GNL3: variants seen among roughly 807,000 people sequenced by gnomAD.
GNL3 encodes the protein guanine nucleotide-binding protein-like 3.
In GNL3, 77 loss-of-function variants were observed where a neutral mutation model predicts 70.6. The observed-to-expected ratio is 1.09, with a 90% CI of 0.91 to 1.32. The LOEUF (loss-of-function observed/expected upper bound fraction) is 1.32, where lower values mean the gene tolerates loss of function less well. Ranked by LOEUF, GNL3 falls within the 40% of genes most tolerant of loss-of-function variation. The pLI, the probability that GNL3 is intolerant of heterozygous loss-of-function variation, is 0.00. For missense variants in GNL3, 634 were observed against 644.0 expected, an observed-to-expected ratio of 0.98 and a Z score of 0.17; for synonymous variants, 252 against 216.1, an observed-to-expected ratio of 1.17 and a Z score of -1.46.
intron 8 of GNL3, 61 bp from the exon 9 acceptor site, chr3:52,691,481 A>C: frequency 9.9e-7 from 1 of 1,006,524 alleles, no homozygotes; most frequent in Non-Finnish European, 1.6e-6. Flanking sequence ...TTAGGCAGTG[A>C]AAATTTCATA....
rs2097325146 is a variant in GNL3 at position 52,689,392 on chromosome 3, T to C, written c.541+186T>C. On this transcript the variant is annotated intron_variant, in intron 6 of 14. Transcript: ENST00000418458. ...ACTTTTACAACTGACTCAACTGGTT[T>C]CTACTATTCTTTTGCCATTCAGTAT... The C allele has an allele frequency of 5.6e-6, 4 of 713,432 alleles. No individual in the cohort carries two copies. In the East Asian group the frequency reaches 7.9e-5, roughly 14 times the overall value. The allele number at this position is 713,432 out of a possible 1,614,324, so 44.2% of individuals were successfully genotyped here.
chr3:52,693,508 GAAGAACTGGAA>G lies in GNL3; in HGVS notation c.1295_1305del (p.Leu432GlnfsTer16), dbSNP rs1249286818. 2 of 1,614,128 alleles carry G rather than the reference GAAGAACTGGAA, an allele frequency of 1.2e-6. No homozygotes were observed. Among genetic ancestry groups the G allele is most frequent in the African/African-American group, 2.7e-5 (2 of 75,026 alleles). On this transcript the variant is annotated frameshift_variant, in exon 12 of 15. Coordinates refer to ENST00000418458, the MANE Select transcript of GNL3 (RefSeq NM_014366.5). LOFTEE classifies it high-confidence loss of function. ...AGACATGAAAAGCGGCTTCAATCTGGAAGAACTGGAAAAGAACAATGCACAGAGCATAAGAG... is the reference window on the plus strand; with the variant it reads ...AGACATGAAAAGCGGCTTCAATCTGGAAGAACAATGCACAGAGCATAAGAG...
rs760389494 is a variant in GNL3, at chr3:52,693,338, T to G, written c.1187+9T>G. On this transcript the variant is annotated intron_variant, in intron 11 of 14. Coordinates refer to ENST00000418458, the MANE Select transcript of GNL3 (RefSeq NM_014366.5). ...TGGTCTGAGTGGACAGGGTAAGCTTTCTTTTCTGTTGGCATTTTGGTGACC... is the reference window on the plus strand; with the variant it reads ...TGGTCTGAGTGGACAGGGTAAGCTTGCTTTTCTGTTGGCATTTTGGTGACC... 1 of 1,613,598 alleles carries G rather than the reference T, an allele frequency of 6.2e-7. No individual in the cohort carries two copies. Among genetic ancestry groups the G allele is most frequent in the Non-Finnish European group, 8.5e-7 (1 of 1,179,852 alleles).
chr3:52,693,739 G>T lies in GNL3; in HGVS notation c.1432G>T (p.Glu478Ter). ...DIHEELPKRK[E>*]RKQEEREDDK... The stretch of plus-strand genomic sequence containing the variant: ...ACATGAAGAATTGCCAAAACGGAAA[G>T]AAAGGAAGCAGGAGGAGAGGGAGGA... The change falls in exon 13 of 15, where the codon GAA (glutamate) becomes TAA (stop). Residue 478 changes from glutamate (E) to a stop codon, truncating the protein, a stop_gained. Coordinates refer to ENST00000418458, the MANE Select transcript of GNL3 (RefSeq NM_014366.5). LOFTEE classifies it high-confidence loss of function. 6.2e-7 allele frequency: 1 copy of T among 1,613,660 alleles called. No individual in the cohort carries two copies. The highest frequency in any genetic ancestry group is 8.5e-7 in the Non-Finnish European group (1 of 1,179,956).
intron 9 of GNL3, among the ~76,000 whole-genome samples, chr3:52,692,303 C>T (rs1298242037): frequency 6.6e-6 from 1 of 150,940 alleles, no homozygotes; most frequent in African/African-American, 2.4e-5. Flanking sequence ...CCGCCTAGGC[C>T]TCACAAAGTG....
chr3:52,686,461 C>G (rs762745864), intron 1 of GNL3: 1 of 568,996 alleles, frequency 1.8e-6, no homozygotes, highest in African/African-American at 1.9e-5. Flanking sequence ...ACTCAGTGTT[C>G]CTCTCCTGCC....
Position 52,691,076 on chromosome 3 carries a change from G to T in GNL3, c.781+5G>T. 1 of 1,612,928 alleles carries T rather than the reference G, an allele frequency of 6.2e-7. No individual in the cohort carries two copies. Among genetic ancestry groups the T allele is most frequent in the East Asian group, 2.2e-5 (1 of 44,866 alleles). On this transcript the variant is annotated splice_donor_5th_base_variant and intron_variant, in intron 8 of 14. Transcript: ENST00000418458. ...CCATTCGGGTTGGAGTAATTGGTGA[G>T]TTTCAGTTCATTACTTTTTACTTTT...
rs151334185 is a variant in GNL3, at chr3:52,686,808, G to A, written c.53G>A (p.Arg18Gln). 8.4e-5 allele frequency: 135 copies of A among 1,612,116 alleles called. No individual in the cohort carries two copies. The highest frequency in any genetic ancestry group is 1.1e-4 in the Non-Finnish European group (126 of 1,178,372). ...KASKRMTCHK[R>Q]YKIQKKVREH... ...AGTAAACGCATGACCTGCCATAAGC[G>A]GTATAAAATCCAAAAAAAGGTAAGT... Residue 18 changes from arginine to glutamine, a missense_variant, in exon 2 of 15, where the codon CGG becomes CAG. By Grantham distance (43) the Arg-to-Gln change is conservative. Coordinates refer to ENST00000418458, the MANE Select transcript of GNL3 (RefSeq NM_014366.5).
rs546666508 is a variant in GNL3, at chr3:52,687,674, T to C, written c.324+59T>C. 73 of 1,085,190 alleles carry C rather than the reference T, an allele frequency of 6.7e-5. No homozygotes were observed. In the Admixed American group the frequency reaches 1.5e-3, roughly 22 times the overall value. 67.2% of individuals were successfully genotyped at this position (1,085,190 alleles called of 1,614,324 possible). A position where few individuals can be genotyped will look rare whatever the true frequency, so the allele number is the denominator to read the frequency against. On this transcript the variant is annotated intron_variant, in intron 4 of 14. Coordinates refer to ENST00000418458, the MANE Select transcript of GNL3 (RefSeq NM_014366.5). ...GGGGTTTTGATTTTGGTTTTTTTGC[T>C]TGGGCCTGAGTGCAGTGGCACAATC...
chr3:52,692,862 C>G lies in GNL3; in HGVS notation c.870-10C>G. The G allele has an allele frequency of 6.2e-7, 1 of 1,608,386 alleles. No homozygotes were observed. The highest frequency in any genetic ancestry group is 1.3e-5 in the African/African-American group (1 of 74,960). ...CAATGCCCCCATCAATTCCATCGCT[C>G]TTCTTTCAGGAGCATGCAAGTTGTC... On this transcript the variant is annotated splice_polypyrimidine_tract_variant and intron_variant, in intron 9 of 14. Transcript: ENST00000418458.
chr3:52,692,168 A>C (rs1047317974), intron 9 of GNL3, among the ~76,000 whole-genome samples: 1 of 152,152 alleles, frequency 6.6e-6, no homozygotes, highest in African/African-American at 2.4e-5. Context: ...TGGCCTTGAG[A>C]AATTAATAGA....
At chr3:52,687,097 C>T in intron 2 of GNL3, 149 bp from the exon 3 acceptor site, 1 of 678,500 alleles carries the variant, frequency 1.5e-6, no homozygotes, top group South Asian at 1.9e-5. Flanking sequence ...CTTACATATG[C>T]ATTACTTTGT....
chr3:52,687,152 ATAAC>A, intron 2 of GNL3, 90 bp from the exon 3 acceptor site: 2 of 1,028,470 alleles, frequency 1.9e-6, no homozygotes, highest in Non-Finnish European at 2.9e-6. Context: ...TTTTATAGGC[ATAAC>A]TAAATTGCAG....
Position 52,692,993 on chromosome 3 carries a change from G to A in GNL3, c.991G>A (p.Val331Ile), listed in dbSNP as rs768974603. Residue 331 changes from valine to isoleucine, a missense_variant, in exon 10 of 15, where the codon GTA (valine) becomes ATA (isoleucine). Physicochemically the swap from Val to Ile is conservative, Grantham distance 29. Transcript: ENST00000418458. Reference sequence around the variant, plus strand: ...GCGAAGTCCAGCAAGTATTGAAGTAGTAAAACCGATGGAGGCTGCCAGTGC... The same window carrying A: ...GCGAAGTCCAGCAAGTATTGAAGTAATAAAACCGATGGAGGCTGCCAGTGC... ...ALRSPASIEVVKPMEAASAIL... is the reference protein window; with the variant it reads ...ALRSPASIEVIKPMEAASAIL... 3.1e-6 allele frequency: 5 copies of A among 1,614,098 alleles called. No individual in the cohort carries two copies. The Admixed American group carries it at 6.7e-5, about 22-fold the overall frequency.
chr3:52,686,708 T>C lies in GNL3; in HGVS notation c.14-61T>C. The C allele has an allele frequency of 4.8e-6, 6 of 1,238,186 alleles. No individual in the cohort carries two copies. The South Asian group carries it at 6.1e-5, about 13-fold the overall frequency. 76.7% of individuals were successfully genotyped at this position (1,238,186 alleles called of 1,614,324 possible). A position where few individuals can be genotyped will look rare whatever the true frequency, so the allele number is the denominator to read the frequency against. On this transcript the variant is annotated intron_variant, in intron 1 of 14. Coordinates refer to ENST00000418458, the MANE Select transcript of GNL3 (RefSeq NM_014366.5). ...AACACAAGAAAAGGATATAACTCCA[T>C]AGTGCGTTAACCCAGAACTAATCAT...
Position 52,693,278 on chromosome 3 carries a change from G to C in GNL3, c.1136G>C (p.Gly379Ala). The change falls in exon 11 of 15, where the codon GGA becomes GCA. Residue 379 changes from glycine to alanine, a missense_variant. Transcript: ENST00000418458. Reference sequence around the variant, plus strand: ...AGAAGAGGTATGCACCAAAAAGGTGGAATCCCAAATGTTGAAGGTGCTGCC... The same window carrying C: ...AGAAGAGGTATGCACCAAAAAGGTGCAATCCCAAATGTTGAAGGTGCTGCC... Reference protein sequence around the residue: ...AQRRGMHQKGGIPNVEGAAKL... With the variant: ...AQRRGMHQKGAIPNVEGAAKL... The C allele has an allele frequency of 6.2e-7, 1 of 1,614,102 alleles. No individual in the cohort carries two copies. Among genetic ancestry groups the C allele is most frequent in the Non-Finnish European group, 8.5e-7 (1 of 1,179,998 alleles).
chr3:52,689,458 G>C (rs2097325212), intron 6 of GNL3: 2 of 539,014 alleles, frequency 3.7e-6, no homozygotes, highest in Admixed American at 5.2e-5. Flanking sequence ...GCTATACCCA[G>C]CTTATTGTGT....
chr3:52,688,729 T>C (rs2097324540), intron 5 of GNL3, among the ~76,000 whole-genome samples: 1 of 152,288 alleles, frequency 6.6e-6, no homozygotes, highest in Non-Finnish European at 1.5e-5. Flanking sequence ...CACTCCCCCA[T>C]GGATAGAACC....
chr3:52,687,931 G>A (rs2097323797), intron 4 of GNL3, 178 bp from the exon 5 acceptor site: 3 of 612,048 alleles, frequency 4.9e-6, no homozygotes, highest in Admixed American at 5.7e-5. Flanking sequence ...GAGTTCTGAT[G>A]CAGAAATAAA....
Sources: allele counts gnomAD v4.1 joint callset (sites outside exome capture counted in the v4.1 genomes callset), GRCh38; gene constraint gnomAD v4.1.1; transcripts MANE v1.5; gene names NCBI Gene and HGNC (gene_info 2026-07-23, HGNC 2026-07-21).